NFATC3: variants seen among roughly 807,000 people sequenced by gnomAD.
NFATC3 encodes nuclear factor of activated T-cells, cytoplasmic 3.
NFATC3 carries 46 observed loss-of-function variants against 98.6 expected under a neutral mutation model. The observed-to-expected ratio is 0.47, with a 90% CI of 0.37 to 0.60. The LOEUF (loss-of-function observed/expected upper bound fraction) is 0.60, where lower values mean the gene tolerates loss of function less well. Among genes scored for constraint, NFATC3 ranks in the 20% least tolerant of loss-of-function variants. The probability of loss-of-function intolerance (pLI) is 0.00; values close to 1 mark genes in which losing one functional copy is unlikely to be tolerated. For synonymous variants in NFATC3, 512 were observed against 472.2 expected (o/e 1.08, Z -1.09); for missense variants, 1,256 against 1,295.5 (o/e 0.97, Z 0.47).
intron 2 of NFATC3, among the ~76,000 whole-genome samples, chr16:68,123,865 G>A (rs1210667159): frequency 6.6e-6 from 1 of 151,388 alleles, no homozygotes; most frequent in Non-Finnish European, 1.5e-5. Context: ...CACACCTATA[G>A]TCCCAGGTAC....
At chr16:68,094,880 G>C (rs1286641809) in intron 1 of NFATC3, among the ~76,000 whole-genome samples, 1 of 152,190 alleles carries the variant, frequency 6.6e-6, no homozygotes, top group Non-Finnish European at 1.5e-5. Context: ...TTCTTTTTAA[G>C]AGTGACGAAG....
At position 68,226,435 on chromosome 16, in the gene NFATC3, T is replaced by C. The variant is rs543052414; in HGVS notation, c.3192T>C (p.Pro1064=). Residue 1064 remains proline, a synonymous_variant, in exon 10 of 10, where the codon CCT becomes CCC. Transcript: ENST00000346183. ...GCAGGCAGGCTCCCCTCCCGAGTCC[T>C]GAGTCCCTGGATTTAGGAAGATCTG... ...GVSRQAPLPS[P]ESLDLGRSDG... The C allele has an allele frequency of 4.5e-6, 7 of 1,565,104 alleles. No individual in the cohort carries two copies. Among genetic ancestry groups the C allele is most frequent in the African/African-American group, 4.2e-5 (3 of 71,388 alleles).
chr16:68,139,184 G>T (rs907179525), intron 3 of NFATC3, among the ~76,000 whole-genome samples: 4 of 152,098 alleles, frequency 2.6e-5, no homozygotes, highest in Admixed American at 6.6e-5. Flanking sequence ...GTATTGATGC[G>T]ATAGAGGTTA....
In NFATC3 at chr16:68,122,772, C is replaced by T. The variant is rs376537616; in HGVS notation, c.889C>T (p.Pro297Ser). The change falls in exon 2 of 10, where the codon CCT (proline) becomes TCT (serine). Residue 297 changes from proline to serine, a missense_variant. Coordinates refer to ENST00000346183, the MANE Select transcript of NFATC3 (RefSeq NM_173165.3). ...LSPHHSPVPS[P>S]GHSPRGSVTE... ...ACCCCATCACTCACCTGTTCCTTCACCTGGTCACTCCCCCAGGGGAAGTGT... is the reference window on the plus strand; with the variant it reads ...ACCCCATCACTCACCTGTTCCTTCATCTGGTCACTCCCCCAGGGGAAGTGT... 94 of 1,614,136 alleles carry T rather than the reference C, an allele frequency of 5.8e-5. 1 individual carries two copies. In the East Asian group the frequency reaches 1.0e-3, roughly 18 times the overall value.
intron 9 of NFATC3, among the ~76,000 whole-genome samples, chr16:68,220,252 G>A (rs1241468764): frequency 6.6e-6 from 1 of 152,136 alleles, no homozygotes; most frequent in Non-Finnish European, 1.5e-5. Context: ...GGCTGGGTGC[G>A]GTGACTCACG....
intron 9 of NFATC3, among the ~76,000 whole-genome samples, chr16:68,218,723 C>A (rs1382381533): frequency 1.3e-5 from 2 of 150,834 alleles, no homozygotes; most frequent in Admixed American, 1.3e-4. Context: ...CAGGTGCCTG[C>A]CGCCACGCCC....
intron 3 of NFATC3, among the ~76,000 whole-genome samples, chr16:68,137,868 G>A (rs1026706547): frequency 2.6e-5 from 4 of 151,798 alleles, no homozygotes; most frequent in Non-Finnish European, 2.9e-5. Flanking sequence ...CGCCCTCCTC[G>A]GTCGGCCTCC....
chr16:68,216,659 G>A (rs1419627701), intron 9 of NFATC3, among the ~76,000 whole-genome samples: 1 of 149,658 alleles, frequency 6.7e-6, no homozygotes, highest in Admixed American at 6.7e-5. Context: ...AGCCTCCCAA[G>A]TAGCTGAAAT....
intron 9 of NFATC3, chr16:68,217,938 C>T (rs966607728): frequency 2.5e-6 from 3 of 1,222,616 alleles, no homozygotes; most frequent in Non-Finnish European, 3.1e-6. Context: ...AACTAAACCT[C>T]GATTACTGTG....
chr16:68,160,640 CAG>C (rs1288078804), intron 4 of NFATC3, among the ~76,000 whole-genome samples: 2 of 152,062 alleles, frequency 1.3e-5, no homozygotes, highest in African/African-American at 2.4e-5. Flanking sequence ...GGGGCTATGA[CAG>C]AGTTTTTTCA....
At chr16:68,220,850 C>T (rs1367603567) in intron 9 of NFATC3, among the ~76,000 whole-genome samples, 1 of 150,952 alleles carries the variant, frequency 6.6e-6, no homozygotes, top group African/African-American at 2.4e-5. Context: ...ACTTGGGAGG[C>T]GGAGCTTGCA....
At chr16:68,168,244 T>A (rs961073044) in intron 5 of NFATC3, among the ~76,000 whole-genome samples, 1 of 151,570 alleles carries the variant, frequency 6.6e-6, no homozygotes, top group African/African-American at 2.4e-5. Context: ...CACTGCATCC[T>A]CCACCTCCAG....
chr16:68,214,558 T>C, intron 9 of NFATC3: 1 of 708,204 alleles, frequency 1.4e-6, no homozygotes, highest in Non-Finnish European at 2.5e-6. Flanking sequence ...GCCCACTCAT[T>C]ATCTTTGGAA....
intron 4 of NFATC3, among the ~76,000 whole-genome samples, chr16:68,159,409 T>C (rs2038777871): frequency 1.3e-5 from 2 of 151,518 alleles, no homozygotes; most frequent in South Asian, 4.2e-4. Context: ...TCTTTCTTTT[T>C]TTTTTTTTTT....
chr16:68,173,895 T>C (rs2039578108), intron 5 of NFATC3, among the ~76,000 whole-genome samples: 1 of 152,198 alleles, frequency 6.6e-6, no homozygotes, highest in South Asian at 2.1e-4. Context: ...AAGCCTATAA[T>C]GCCAGCACTT....
At chr16:68,110,309 T>A (rs1289027913) in intron 1 of NFATC3, among the ~76,000 whole-genome samples, 12 of 105,632 alleles carry the variant, frequency 1.1e-4, no homozygotes, top group Non-Finnish European at 2.3e-4. Context: ...CTGGCCTGAA[T>A]TTTTTTTTTT....
At chr16:68,207,157 A>G (rs1447179243) in intron 9 of NFATC3, among the ~76,000 whole-genome samples, 1 of 151,854 alleles carries the variant, frequency 6.6e-6, no homozygotes, top group Non-Finnish European at 1.5e-5. Context: ...TAAAAATACA[A>G]AAATTAGTTG....
At chr16:68,178,960 T>C (rs978276145) in intron 6 of NFATC3, among the ~76,000 whole-genome samples, 9 of 152,192 alleles carry the variant, frequency 5.9e-5, no homozygotes, top group Admixed American at 1.3e-4. Context: ...TATTATGGCA[T>C]TCAGGCCATA....
At chr16:68,135,236 A>T (rs566775614) in intron 3 of NFATC3, among the ~76,000 whole-genome samples, 1 of 152,174 alleles carries the variant, frequency 6.6e-6, no homozygotes, top group East Asian at 1.9e-4. Flanking sequence ...AGATGGACGG[A>T]TCATAAGGTC....
Sources: allele counts gnomAD v4.1 joint callset (sites outside exome capture counted in the v4.1 genomes callset), GRCh38; gene constraint gnomAD v4.1.1; transcripts MANE v1.5; gene names NCBI Gene and HGNC (gene_info 2026-07-23, HGNC 2026-07-21).